Variants in SNX13 observed in about 807,000 individuals in gnomAD.
The protein encoded by SNX13 is sorting nexin 13.
Under a neutral mutation model 133.6 loss-of-function variants are expected in SNX13, and 45 were observed. The observed-to-expected ratio is 0.34, with a 90% CI of 0.27 to 0.43. SNX13 has a LOEUF of 0.43. SNX13 is among the 20% of genes least tolerant of loss of function. The pLI is 1.00. For missense variants in SNX13, 1,032 were observed against 1,145.1 expected, an observed-to-expected ratio of 0.90 and a Z score of 1.43; for synonymous variants, 414 against 373.9, an observed-to-expected ratio of 1.11 and a Z score of -1.24.
intron 18 of SNX13, among the ~76,000 whole-genome samples, chr7:17,818,874 T>G (rs1008753585): frequency 6.6e-6 from 1 of 152,206 alleles, no homozygotes; most frequent in Non-Finnish European, 1.5e-5. Context: ...GGTGCATATT[T>G]TTACTCAGTT....
chr7:17,934,682 C>T (rs947940694), intron 1 of SNX13, among the ~76,000 whole-genome samples: 1 of 152,156 alleles, frequency 6.6e-6, no homozygotes, highest in African/African-American at 2.4e-5. Flanking sequence ...AGGAACTCAA[C>T]ACAATTTCAA....
intron 20 of SNX13, among the ~76,000 whole-genome samples, chr7:17,812,036 A>G (rs1243558820): frequency 6.6e-6 from 1 of 152,182 alleles, no homozygotes; most frequent in Non-Finnish European, 1.5e-5. Context: ...CCTAAAAAAC[A>G]TAAAAACCCT....
chr7:17,895,441 A>G (rs1437003930), intron 2 of SNX13, among the ~76,000 whole-genome samples: 1 of 152,194 alleles, frequency 6.6e-6, no homozygotes. Flanking sequence ...TTTGACTATA[A>G]GCAAAATATA....
At chr7:17,873,453 T>A in intron 8 of SNX13, 75 bp downstream of exon 8, 1 of 700,094 alleles carries the variant, frequency 1.4e-6, no homozygotes, top group Non-Finnish European at 1.9e-6. Context: ...TGTAACAGGG[T>A]CTTAAGACAA....
At chr7:17,912,733 G>T (rs986033256) in intron 1 of SNX13, among the ~76,000 whole-genome samples, 1 of 152,048 alleles carries the variant, frequency 6.6e-6, no homozygotes, top group African/African-American at 2.4e-5. Context: ...TTTCTAATCT[G>T]GGCTCATGCA....
chr7:17,806,769 C>A (rs949235898), intron 20 of SNX13, among the ~76,000 whole-genome samples: 3 of 152,148 alleles, frequency 2.0e-5, no homozygotes, highest in Admixed American at 2.0e-4. Context: ...GCTCATCTCA[C>A]TGGGACTAGT....
At chr7:17,928,186 T>C (rs1012178038) in intron 1 of SNX13, among the ~76,000 whole-genome samples, 8 of 152,110 alleles carry the variant, frequency 5.3e-5, no homozygotes, top group Non-Finnish European at 8.8e-5. Flanking sequence ...AAAACAACAA[T>C]AGGAGCTATC....
intron 20 of SNX13, among the ~76,000 whole-genome samples, chr7:17,811,973 T>C (rs1278415712): frequency 6.6e-6 from 1 of 152,120 alleles, no homozygotes. Context: ...GACCCCTTCC[T>C]TACACCTTAT....
At chr7:17,840,099 G>T in intron 12 of SNX13, 99 bp from the exon 13 acceptor site, 1 of 905,310 alleles carries the variant, frequency 1.1e-6, no homozygotes, top group Non-Finnish European at 1.5e-6. Flanking sequence ...AGTTTCAAGT[G>T]TTTAAAACTC....
intron 20 of SNX13, among the ~76,000 whole-genome samples, chr7:17,804,853 T>A (rs1351686454): frequency 6.6e-6 from 1 of 152,146 alleles, no homozygotes; most frequent in Non-Finnish European, 1.5e-5. Context: ...TTAGGAATCA[T>A]AGCAACGTTA....
intron 9 of SNX13, among the ~76,000 whole-genome samples, chr7:17,864,757 C>T (rs1295846837): frequency 1.3e-5 from 2 of 148,200 alleles, no homozygotes; most frequent in African/African-American, 5.0e-5. Context: ...CTAAAAGCTG[C>T]ATAAAGAAGG....
At chr7:17,830,817 T>C (rs758685483) in intron 15 of SNX13, 13 of 983,996 alleles carry the variant, frequency 1.3e-5, no homozygotes, top group Middle Eastern at 5.2e-4. Flanking sequence ...CAGTTTAATA[T>C]ATGGTTTCGA....
chr7:17,836,336 G>T (rs1442797739), intron 13 of SNX13, among the ~76,000 whole-genome samples: 1 of 151,978 alleles, frequency 6.6e-6, no homozygotes, highest in South Asian at 2.1e-4. Flanking sequence ...GGCCCACATG[G>T]CAAAATCCCT....
At chr7:17,922,510 A>G (rs571912020) in intron 1 of SNX13, among the ~76,000 whole-genome samples, 6 of 152,240 alleles carry the variant, frequency 3.9e-5, no homozygotes, top group Non-Finnish European at 8.8e-5. Context: ...ACTAAGTAAA[A>G]CAAAAATAGA....
At chr7:17,816,695 C>T (rs898764851) in intron 18 of SNX13, among the ~76,000 whole-genome samples, 2 of 151,774 alleles carry the variant, frequency 1.3e-5, no homozygotes, top group Non-Finnish European at 2.9e-5. Context: ...CAACAAAAAC[C>T]CATCTTCAAC....
intron 1 of SNX13, among the ~76,000 whole-genome samples, chr7:17,936,225 T>G (rs1350056178): frequency 1.3e-5 from 2 of 152,228 alleles, no homozygotes; most frequent in Non-Finnish European, 2.9e-5. Context: ...TAACTTTCTT[T>G]AGGCAAATAT....
Position 17,812,170 on chromosome 7 carries a change from C to T in SNX13, c.2064+2664G>A, listed in dbSNP as rs182833671. Among the ~76,000 whole-genome samples, 7 of 152,150 alleles carry T rather than the reference C, an allele frequency of 4.6e-5. No homozygotes were observed. In the East Asian group the frequency reaches 1.4e-3, roughly 29 times the overall value. ...AATGGGATCTAAATAAACTAAAGGG[C>T]TTCTGTACAGCAAAAGAAACTACCA... On this transcript the variant is annotated intron_variant, in intron 20 of 25. Coordinates refer to ENST00000428135, the MANE Select transcript of SNX13 (RefSeq NM_015132.5).
rs1247155617 is a variant in SNX13 at position 17,892,585 on chromosome 7, T to A, written c.228+747A>T. Reference sequence around the variant, plus strand: ...AAAAAAGTTTAAGTATTAAAAAATTTGTTTATCAATATAAAAGTCAGTGGA... The same window carrying A: ...AAAAAAGTTTAAGTATTAAAAAATTAGTTTATCAATATAAAAGTCAGTGGA... On this transcript the variant is annotated intron_variant, in intron 3 of 25. Transcript: ENST00000428135. 3.3e-5 allele frequency among the ~76,000 whole-genome samples: 5 copies of A among 152,092 alleles called. No homozygotes were observed. In the East Asian group the frequency reaches 9.6e-4, roughly 29 times the overall value.
chr7:17,799,803 G>C (rs373589062), intron 22 of SNX13, among the ~76,000 whole-genome samples: 1 of 151,672 alleles, frequency 6.6e-6, no homozygotes, highest in South Asian at 2.1e-4. Flanking sequence ...GAAGACGATC[G>C]GAATGCTTTG....
Sources: allele counts gnomAD v4.1 joint callset (sites outside exome capture counted in the v4.1 genomes callset), GRCh38; gene constraint gnomAD v4.1.1; transcripts MANE v1.5; gene names NCBI Gene and HGNC (gene_info 2026-07-23, HGNC 2026-07-21).